The following RGPD2 variants were observed in gnomAD, a reference collection of about 807,000 sequenced individuals.
RGPD2 encodes RANBP2 like and GRIP domain containing 2, also known as RANBP2-like and GRIP domain-containing protein 2.
A neutral mutation model predicts 36.0 loss-of-function variants in RGPD2; 2 were observed. The ratio of observed to expected loss-of-function variants is 0.06; its 90% confidence interval spans 0.02 to 0.17. The LOEUF (loss-of-function observed/expected upper bound fraction) is 0.17, where lower values mean the gene tolerates loss of function less well. RGPD2 is among the 10% of genes least tolerant of loss of function. RGPD2 has a pLI of 1.00. For missense variants in RGPD2, 40 were observed against 464.3 expected (o/e 0.09, Z 8.40); for synonymous variants, 19 against 163.8 (o/e 0.12, Z 6.75).
chr2:87,891,074 TTTG>T, the RGPD2 span, among the ~76,000 whole-genome samples: 1 of 32,786 alleles, frequency 3.1e-5, no homozygotes, highest in Non-Finnish European at 6.1e-5. Flanking sequence ...GTTGGGGTAT[TTTG>T]TTGTTGTTGT....
chr2:87,988,541 A>ATATATTTT, the RGPD2 span, among the ~76,000 whole-genome samples: 1,229 of 54,116 alleles, frequency 0.023, 59 homozygotes, highest in African/African-American at 0.053. Context: ...ATATATATAT[A>ATATATTTT]TTTTTTTTTT....
chr2:87,974,506 T>A, the RGPD2 span, among the ~76,000 whole-genome samples: 7 of 152,276 alleles, frequency 4.6e-5, no homozygotes, highest in African/African-American at 1.7e-4. Context: ...TCTTTTCTCC[T>A]CCCTTGGTTT....
At chr2:87,941,034 G>A in the RGPD2 span, among the ~76,000 whole-genome samples, 47 of 151,982 alleles carry the variant, frequency 3.1e-4, no homozygotes, top group African/African-American at 1.0e-3. Flanking sequence ...GATTACAAAC[G>A]GACAAGTAGA....
At chr2:87,983,851 C>T in the RGPD2 span, among the ~76,000 whole-genome samples, 1 of 152,134 alleles carries the variant, frequency 6.6e-6, no homozygotes, top group Admixed American at 6.5e-5. Context: ...GGGAACAGAG[C>T]TGAGGCCAAT....
At chr2:87,852,784 G>T in the RGPD2 span, among the ~76,000 whole-genome samples, 1 of 152,270 alleles carries the variant, frequency 6.6e-6, no homozygotes, top group Non-Finnish European at 1.5e-5. Context: ...CTTATTATGG[G>T]CGTTTTCCCT....
the RGPD2 span, chr2:87,972,509 T>C: frequency 1.7e-6 from 1 of 576,636 alleles, no homozygotes; most frequent in Non-Finnish European, 3.0e-6. Context: ...ATGTGGGCTC[T>C]GGGGATGGAA....
At chr2:87,910,616 G>A in the RGPD2 span, among the ~76,000 whole-genome samples, 5 of 151,888 alleles carry the variant, frequency 3.3e-5, no homozygotes, top group Admixed American at 6.6e-5. Flanking sequence ...CACTGATTTC[G>A]CATCTTTGGA....
chr2:87,864,627 T>G, the RGPD2 span, among the ~76,000 whole-genome samples: 1 of 13,512 alleles, frequency 7.4e-5, no homozygotes, highest in East Asian at 0.013. Context: ...GATAGATACA[T>G]AGATGATAGA....
At chr2:87,857,299 TTTAAA>T in the RGPD2 span, among the ~76,000 whole-genome samples, 830 of 152,214 alleles carry the variant, frequency 5.5e-3, no homozygotes, top group African/African-American at 0.019. Context: ...TAATGTTTAA[TTTAAA>T]AATTCAAATT....
chr2:87,825,553 G>GC (rs1372287128), intron 1 of RGPD2, 105 bp downstream of exon 1: 13 of 863,410 alleles, frequency 1.5e-5, no homozygotes, highest in East Asian at 1.5e-4. Flanking sequence ...CCGCCGCCCG[G>GC]CCAGGTCGAG....
the RGPD2 span, among the ~76,000 whole-genome samples, chr2:87,973,539 C>T: frequency 1.4e-5 from 2 of 139,906 alleles, no homozygotes; most frequent in Admixed American, 1.5e-4. Flanking sequence ...GTCCCAACTC[C>T]TTGCGTTCCT....
the RGPD2 span, among the ~76,000 whole-genome samples, chr2:87,973,710 A>G: frequency 1.4e-5 from 2 of 147,306 alleles, no homozygotes; most frequent in African/African-American, 5.0e-5. Context: ...AAAAAAAAAA[A>G]AGAGTGTGGG....
At chr2:87,961,473 G>A in the RGPD2 span, among the ~76,000 whole-genome samples, 2 of 151,842 alleles carry the variant, frequency 1.3e-5, no homozygotes, top group African/African-American at 4.8e-5. Context: ...GGCCGAGGCG[G>A]GCGGATCACC....
chr2:87,877,680 C>T, the RGPD2 span, among the ~76,000 whole-genome samples: 4 of 152,380 alleles, frequency 2.6e-5, no homozygotes, highest in South Asian at 6.2e-4. Context: ...TGGCGGGCAC[C>T]TGTAGTCCCA....
At chr2:87,842,957 G>A in the RGPD2 span, among the ~76,000 whole-genome samples, 3 of 149,096 alleles carry the variant, frequency 2.0e-5, no homozygotes, top group East Asian at 6.1e-4. Flanking sequence ...ACAAGCAATG[G>A]GGAAAGGATT....
At chr2:87,805,859 CAA>C (rs553054856) in intron 7 of RGPD2, among the ~76,000 whole-genome samples, 3 of 91,166 alleles carry the variant, frequency 3.3e-5, no homozygotes, top group Non-Finnish European at 2.2e-5. Flanking sequence ...GACTCCGTCT[CAA>C]AAAAAAAAAA....
At chr2:87,948,721 T>TC in the RGPD2 span, among the ~76,000 whole-genome samples, 68 of 122,942 alleles carry the variant, frequency 5.5e-4, no homozygotes, top group African/African-American at 2.0e-3. Flanking sequence ...TTAATTCATC[T>TC]TTCATGTGAT....
chr2:87,873,802 G>A, the RGPD2 span, among the ~76,000 whole-genome samples: 9 of 148,576 alleles, frequency 6.1e-5, no homozygotes, highest in Admixed American at 2.7e-4. Context: ...AAACTTATTC[G>A]CCAACATGAG....
At chr2:87,948,526 C>T in the RGPD2 span, among the ~76,000 whole-genome samples, 106 of 147,404 alleles carry the variant, frequency 7.2e-4, no homozygotes, top group Non-Finnish European at 1.4e-3. Context: ...GGATTTCAGG[C>T]GTGTGCCACC....
Sources: allele counts gnomAD v4.1 joint callset (sites outside exome capture counted in the v4.1 genomes callset), GRCh38; gene constraint gnomAD v4.1.1; transcripts MANE v1.5; gene names NCBI Gene and HGNC (gene_info 2026-07-23, HGNC 2026-07-21).